Variants in KLF8 observed in about 807,000 individuals in gnomAD.
KLF8 encodes KLF transcription factor 8, also known as Krueppel-like factor 8.
In KLF8, 10 loss-of-function variants were observed where a neutral mutation model predicts 18.2. That is an observed-to-expected ratio of 0.55 (90% CI 0.34 to 0.93). The LOEUF (loss-of-function observed/expected upper bound fraction) is 0.93, where lower values mean the gene tolerates loss of function less well. Among genes scored for constraint, KLF8 ranks in the 40% least tolerant of loss-of-function variants. The probability of loss-of-function intolerance (pLI) is 0.02; values close to 1 mark genes in which losing one functional copy is unlikely to be tolerated. For synonymous variants in KLF8, 109 were observed against 97.3 expected (o/e 1.12, Z -0.71); for missense variants, 264 against 277.9 (o/e 0.95, Z 0.36).
chrX:56,152,125 A>C, the KLF8 span, among the ~76,000 whole-genome samples: 1 of 112,043 alleles, frequency 8.9e-6, no homozygotes, highest in East Asian at 2.8e-4. Context: ...TGTTATACAG[A>C]CATTTGAAAA....
the KLF8 span, among the ~76,000 whole-genome samples, chrX:55,992,618 T>C: frequency 8.9e-6 from 1 of 112,412 alleles, no homozygotes; most frequent in African/African-American, 3.2e-5. Context: ...GAATAGTTTT[T>C]TTCTGGTTCT....
the KLF8 span, among the ~76,000 whole-genome samples, chrX:55,945,289 GA>G: frequency 9.0e-6 from 1 of 110,914 alleles, no homozygotes; most frequent in Non-Finnish European, 1.9e-5. Flanking sequence ...GTGTGGTGCT[GA>G]AAAAAATGTA....
At chrX:56,181,014 C>T in the KLF8 span, among the ~76,000 whole-genome samples, 2 of 110,879 alleles carry the variant, frequency 1.8e-5, no homozygotes, top group Non-Finnish European at 3.8e-5. Context: ...TCCTGAATGT[C>T]CTTGTTAACC....
the KLF8 span, among the ~76,000 whole-genome samples, chrX:55,944,064 C>A: frequency 1.8e-5 from 2 of 111,837 alleles, no homozygotes; most frequent in South Asian, 7.5e-4. Flanking sequence ...TTGTTAAAGG[C>A]CTTTTCTGCA....
At chrX:56,168,156 A>G in the KLF8 span, among the ~76,000 whole-genome samples, 4 of 112,067 alleles carry the variant, frequency 3.6e-5, no homozygotes, top group Non-Finnish European at 7.5e-5. Flanking sequence ...TTTAGGCAAA[A>G]TTGCTTAGGC....
At chrX:56,190,287 T>C in the KLF8 span, among the ~76,000 whole-genome samples, 5 of 110,616 alleles carry the variant, frequency 4.5e-5, no homozygotes, top group Non-Finnish European at 9.5e-5. Context: ...TATATAACAA[T>C]TGTAAATATA....
At chrX:55,996,258 G>A in the KLF8 span, among the ~76,000 whole-genome samples, 1 of 111,097 alleles carries the variant, frequency 9.0e-6, no homozygotes, top group African/African-American at 3.3e-5. Flanking sequence ...TTCAGCTCTT[G>A]TATTGTTTTA....
chrX:56,266,153 A>G, intron 3 of KLF8: 1 of 762,632 alleles, frequency 1.3e-6, no homozygotes, highest in East Asian at 1.4e-4. Flanking sequence ...ACTTTTCAGG[A>G]GAATGTGTTT....
the KLF8 span, among the ~76,000 whole-genome samples, chrX:56,153,604 A>G: frequency 9.0e-6 from 1 of 111,425 alleles, no homozygotes; most frequent in Non-Finnish European, 1.9e-5. Flanking sequence ...AGAAAGAAAT[A>G]AAGGGTATTC....
the KLF8 span, among the ~76,000 whole-genome samples, chrX:56,191,540 A>T: frequency 3.6e-4 from 40 of 111,885 alleles, no homozygotes; most frequent in African/African-American, 1.3e-3. Context: ...GTATTGATGC[A>T]AAAATTCTCT....
chrX:55,921,442 G>A, the KLF8 span, among the ~76,000 whole-genome samples: 3 of 111,502 alleles, frequency 2.7e-5, no homozygotes, highest in Admixed American at 9.5e-5. Flanking sequence ...GGTTACTATC[G>A]GCTGTAGTAT....
At chrX:56,266,054 G>T (rs1250793683) in intron 3 of KLF8, 1 of 797,595 alleles carries the variant, frequency 1.3e-6, no homozygotes, top group Non-Finnish European at 1.5e-6. Flanking sequence ...TGATTATCTT[G>T]TATTACAAAA....
chrX:56,151,527 G>A, the KLF8 span, among the ~76,000 whole-genome samples: 4 of 111,148 alleles, frequency 3.6e-5, no homozygotes, highest in Non-Finnish European at 7.5e-5. Flanking sequence ...AGAGAAGTGA[G>A]TGCCAGGATA....
At chrX:56,223,585 TG>T in the KLF8 span, among the ~76,000 whole-genome samples, 2 of 112,651 alleles carry the variant, frequency 1.8e-5, no homozygotes, top group Non-Finnish European at 3.7e-5. Context: ...TTTCAAACAA[TG>T]GATCACATTT....
chrX:55,996,197 G>T, the KLF8 span, among the ~76,000 whole-genome samples: 2 of 111,886 alleles, frequency 1.8e-5, no homozygotes, highest in African/African-American at 6.5e-5. Flanking sequence ...CTTGTAGGGA[G>T]TTTTTCAGCT....
chrX:56,099,979 A>G, the KLF8 span, among the ~76,000 whole-genome samples: 2 of 112,227 alleles, frequency 1.8e-5, no homozygotes, highest in Non-Finnish European at 3.8e-5. Context: ...CAGATTGTCA[A>G]TGTAGACAAA....
chrX:56,223,512 T>C, the KLF8 span, among the ~76,000 whole-genome samples: 1 of 112,101 alleles, frequency 8.9e-6, no homozygotes, highest in Non-Finnish European at 1.9e-5. Flanking sequence ...AAAAAGCAAA[T>C]GAGGATATCA....
the KLF8 span, among the ~76,000 whole-genome samples, chrX:56,202,333 T>C: frequency 9.0e-6 from 1 of 110,666 alleles, no homozygotes; most frequent in Non-Finnish European, 1.9e-5. Flanking sequence ...TTATGAGGTA[T>C]ATGAAATATT....
At chrX:56,063,175 C>G in the KLF8 span, among the ~76,000 whole-genome samples, 3 of 111,533 alleles carry the variant, frequency 2.7e-5, no homozygotes, top group African/African-American at 9.8e-5. Context: ...TTCAATTCAT[C>G]AAATTTATTG....
Sources: allele counts gnomAD v4.1 joint callset (sites outside exome capture counted in the v4.1 genomes callset), GRCh38; gene constraint gnomAD v4.1.1; transcripts MANE v1.5; gene names NCBI Gene and HGNC (gene_info 2026-07-23, HGNC 2026-07-21).